The following ANKS3 variants were observed in gnomAD, a reference collection of about 807,000 sequenced individuals.
ANKS3 encodes ankyrin repeat and SAM domain-containing protein 3.
In ANKS3, 62 loss-of-function variants were observed where a neutral mutation model predicts 80.7. The observed-to-expected ratio is 0.77, with a 90% CI of 0.63 to 0.95. The LOEUF (loss-of-function observed/expected upper bound fraction) is 0.95, where lower values mean the gene tolerates loss of function less well. ANKS3 is among the 40% of genes least tolerant of loss of function. The pLI is 0.00. For missense variants in ANKS3, 1,150 were observed against 883.6 expected, an observed-to-expected ratio of 1.30 and a Z score of -3.82; for synonymous variants, 489 against 355.3, an observed-to-expected ratio of 1.38 and a Z score of -4.23.
chr16:4,705,159 T>A lies in ANKS3; in HGVS notation c.804A>T (p.Gly268=), dbSNP rs1440241999. 13 of 1,613,586 alleles carry A rather than the reference T, an allele frequency of 8.1e-6. No individual in the cohort carries two copies. ...CRKKGVSIHE[G]PRALARITGI... ...CTGTGATCCTGGCCAGGGCTCGCGG[T>A]CCCTCGTGGATGCTGACACCCTTCT... The change falls in exon 8 of 18, where the codon GGA becomes GGT. Residue 268 remains glycine (G), a synonymous_variant. Coordinates refer to ENST00000304283, the MANE Select transcript of ANKS3 (RefSeq NM_133450.4).
At chr16:4,725,879 C>CG (rs1417004080) in intron 5 of ANKS3, among the ~76,000 whole-genome samples, 1 of 151,792 alleles carries the variant, frequency 6.6e-6, no homozygotes, top group East Asian at 1.9e-4. Flanking sequence ...AGACTGGTCT[C>CG]GAACTCCTGA....
chr16:4,723,571 C>A (rs969858830), intron 6 of ANKS3, among the ~76,000 whole-genome samples: 1 of 152,176 alleles, frequency 6.6e-6, no homozygotes, highest in Non-Finnish European at 1.5e-5. Context: ...TACCGGCGTG[C>A]GCCACCGCAC....
intron 11 of ANKS3, chr16:4,700,506 G>A (rs1339521354): frequency 1.3e-5 from 4 of 313,920 alleles, no homozygotes; most frequent in Non-Finnish European, 2.5e-5. Flanking sequence ...GAACTCAGCA[G>A]ACACAGGTGA....
chr16:4,697,480 T>A, intron 15 of ANKS3, 64 bp from the exon 16 acceptor site: 1 of 1,346,122 alleles, frequency 7.4e-7, no homozygotes, highest in Non-Finnish European at 1.0e-6. Flanking sequence ...CCTGCTTTAT[T>A]CTGAGCCCAT....
Position 4,733,117 on chromosome 16 carries a change from G to C in ANKS3, c.-71+821C>G, listed in dbSNP as rs373796072. Among the ~76,000 whole-genome samples the C allele has an allele frequency of 1.0e-3, 133 of 133,666 alleles. 1 individual carries two copies. In the South Asian group the frequency reaches 0.029, roughly 29 times the overall value. The allele number at this position is 133,666 out of a possible 152,430, so 87.7% of individuals were successfully genotyped here. ...TAGTGGAGGGTGGGGATGCTTAATG[G>C]ATACAAAAAAAACAGAATGAATAAG... On this transcript the variant is annotated intron_variant, in intron 1 of 17. Coordinates refer to ENST00000304283, the MANE Select transcript of ANKS3 (RefSeq NM_133450.4).
chr16:4,706,318 C>T (rs1300691957), intron 7 of ANKS3, among the ~76,000 whole-genome samples: 1 of 152,106 alleles, frequency 6.6e-6, no homozygotes, highest in Non-Finnish European at 1.5e-5. Flanking sequence ...GCAAGCTCCA[C>T]CTCCTGGGTT....
At chr16:4,712,612 A>G (rs929018098) in intron 7 of ANKS3, among the ~76,000 whole-genome samples, 1 of 152,192 alleles carries the variant, frequency 6.6e-6, no homozygotes, top group African/African-American at 2.4e-5. Context: ...ACAATTCAAT[A>G]GTTACTCCTG....
intron 1 of ANKS3, among the ~76,000 whole-genome samples, chr16:4,732,002 A>T (rs2081644373): frequency 6.6e-6 from 1 of 152,194 alleles, no homozygotes; most frequent in South Asian, 2.1e-4. Flanking sequence ...TAGTTAATAG[A>T]TGCGATGAGG....
chr16:4,709,403 T>A (rs2080369472), intron 7 of ANKS3, among the ~76,000 whole-genome samples: 1 of 144,800 alleles, frequency 6.9e-6, no homozygotes, highest in Non-Finnish European at 1.5e-5. Flanking sequence ...CGAAACTCCA[T>A]CTCAAAAAAA....
chr16:4,704,259 G>T (rs2142045907), intron 8 of ANKS3, among the ~76,000 whole-genome samples: 1 of 152,286 alleles, frequency 6.6e-6, no homozygotes, highest in African/African-American at 2.4e-5. Flanking sequence ...GGGTCTAGAA[G>T]GGAATTCAAT....
At chr16:4,730,206 G>C (rs1022775435) in intron 2 of ANKS3, 55 bp from the exon 3 acceptor site, 1 of 1,422,776 alleles carries the variant, frequency 7.0e-7, no homozygotes, top group African/African-American at 1.4e-5. Context: ...TCCAGGGCAT[G>C]AAACAGGCTG....
chr16:4,726,706 C>T lies in ANKS3; in HGVS notation c.444G>A (p.Gln148=). The change falls in exon 5 of 18, where the codon CAG becomes CAA. Residue 148 remains glutamine (Q), a synonymous_variant. Coordinates refer to ENST00000304283, the MANE Select transcript of ANKS3 (RefSeq NM_133450.4). ...TGTCCAAGAGGAACCTGACCATGTG[C>T]TGGTGCCCGGCGCTGGTACAGTGGA... ...ALFHCTSAGH[Q]HMVRFLLDSG... 6.2e-7 allele frequency: 1 copy of T among 1,614,262 alleles called. No homozygotes were observed. Among genetic ancestry groups the T allele is most frequent in the Non-Finnish European group, 8.5e-7 (1 of 1,180,048 alleles).
chr16:4,724,403 C>A (rs561685134), intron 6 of ANKS3, among the ~76,000 whole-genome samples: 41 of 152,320 alleles, frequency 2.7e-4, no homozygotes, highest in Non-Finnish European at 4.4e-5. Flanking sequence ...ACCAAGTGGG[C>A]ATCAGGGAGG....
intron 7 of ANKS3, among the ~76,000 whole-genome samples, chr16:4,709,446 C>T (rs1239162664): frequency 6.6e-6 from 1 of 151,796 alleles, no homozygotes; most frequent in East Asian, 1.9e-4. Flanking sequence ...AAATGAGATC[C>T]AGCAATTCCA....
At chr16:4,699,505 T>C in intron 11 of ANKS3, 2 of 317,646 alleles carry the variant, frequency 6.3e-6, no homozygotes, top group South Asian at 4.0e-5. Flanking sequence ...AGCGCTGCCC[T>C]CTAATTCTAG....
intron 6 of ANKS3, among the ~76,000 whole-genome samples, chr16:4,721,294 G>T (rs1327750358): frequency 7.1e-6 from 1 of 141,060 alleles, no homozygotes; most frequent in Non-Finnish European, 1.5e-5. Context: ...AACAGAGCAA[G>T]ACGCCATCTC....
intron 9 of ANKS3, chr16:4,701,846 C>T (rs2079925795): frequency 2.0e-6 from 1 of 502,788 alleles, no homozygotes; most frequent in East Asian, 3.4e-5. Context: ...TGGGGCCTGC[C>T]CTGAAAGCCT....
chr16:4,697,793 G>T (rs1180980719), intron 15 of ANKS3, among the ~76,000 whole-genome samples, 184 bp downstream of exon 15: 1 of 152,208 alleles, frequency 6.6e-6, no homozygotes, highest in Non-Finnish European at 1.5e-5. Context: ...TGTCACAGGT[G>T]AGGAAGTGGG....
Position 4,714,037 on chromosome 16 carries a change from G to A in ANKS3, c.709+14C>T. On this transcript the variant is annotated intron_variant, in intron 7 of 17. Coordinates refer to ENST00000304283, the MANE Select transcript of ANKS3 (RefSeq NM_133450.4). ...CAGAGACCCCAGCAGGGCGCGGCTG[G>A]CAGGTGTGGGTACCTGGGCTCCGAT... is the stretch of plus-strand genomic sequence containing the variant. 6.2e-7 allele frequency: 1 copy of A among 1,613,750 alleles called. No individual in the cohort carries two copies. Among genetic ancestry groups the A allele is most frequent in the African/African-American group, 1.3e-5 (1 of 75,038 alleles).
Sources: allele counts gnomAD v4.1 joint callset (sites outside exome capture counted in the v4.1 genomes callset), GRCh38; gene constraint gnomAD v4.1.1; transcripts MANE v1.5; gene names NCBI Gene and HGNC (gene_info 2026-07-23, HGNC 2026-07-21).